The following RBMS1 variants were observed in gnomAD, a reference collection of about 807,000 sequenced individuals.
RBMS1 encodes RNA-binding motif, single-stranded-interacting protein 1.
In RBMS1, 17 loss-of-function variants were observed where a neutral mutation model predicts 62.3. That is an observed-to-expected ratio of 0.27 (90% CI 0.19 to 0.41). The LOEUF (loss-of-function observed/expected upper bound fraction) is 0.41. RBMS1 is among the 10% of genes least tolerant of loss of function. RBMS1 has a pLI of 1.00. For missense variants in RBMS1, 334 were observed against 504.5 expected, an observed-to-expected ratio of 0.66 and a Z score of 3.24; for synonymous variants, 172 against 170.0, an observed-to-expected ratio of 1.01 and a Z score of -0.09.
At chr2:160,276,353 CCACCACCACCACCACCAA>C (rs1264061393) in intron 12 of RBMS1, among the ~76,000 whole-genome samples, 2 of 150,330 alleles carry the variant, frequency 1.3e-5, no homozygotes, top group African/African-American at 4.9e-5. Context: ...ACCACCACCA[CCACCACCACCACCACCAA>C]CACCTACTAC....
chr2:160,327,160 C>T (rs1260331647), intron 2 of RBMS1, among the ~76,000 whole-genome samples: 2 of 152,146 alleles, frequency 1.3e-5, no homozygotes, highest in Admixed American at 6.5e-5. Flanking sequence ...CATCTACATA[C>T]CTGATTTTTC....
At chr2:160,410,726 G>A (rs1473783836) in intron 1 of RBMS1, among the ~76,000 whole-genome samples, 1 of 152,294 alleles carries the variant, frequency 6.6e-6, no homozygotes, top group African/African-American at 2.4e-5. Context: ...GGCTTTGGAA[G>A]AACCTGTCCT....
At chr2:160,320,108 G>C (rs576331403) in intron 2 of RBMS1, among the ~76,000 whole-genome samples, 3 of 152,096 alleles carry the variant, frequency 2.0e-5, no homozygotes, top group African/African-American at 7.2e-5. Flanking sequence ...ATCTACCTAG[G>C]TTACATGCTT....
intron 1 of RBMS1, among the ~76,000 whole-genome samples, chr2:160,368,037 A>T (rs532870948): frequency 1.3e-5 from 2 of 152,258 alleles, no homozygotes; most frequent in African/African-American, 4.8e-5. Flanking sequence ...ACCCACCACA[A>T]CTCAAAGTAA....
chr2:160,309,651 T>C (rs1033019901), intron 4 of RBMS1, among the ~76,000 whole-genome samples: 4 of 152,170 alleles, frequency 2.6e-5, no homozygotes, highest in Non-Finnish European at 5.9e-5. Context: ...GAGGTGGGGA[T>C]GGAGTTGGTT....
In RBMS1 at chr2:160,273,311, T is replaced by G. The variant is rs1288369861; in HGVS notation, c.*1461A>C. 1 of 152,188 alleles carries G rather than the reference T, an allele frequency of 6.6e-6. No individual in the cohort carries two copies. Among genetic ancestry groups the G allele is most frequent in the Non-Finnish European group, 1.5e-5 (1 of 68,036 alleles). 9.4% of individuals were successfully genotyped at this position (152,188 alleles called of 1,614,324 possible). A position where few individuals can be genotyped will look rare whatever the true frequency, so the allele number is the denominator to read the frequency against. The stretch of plus-strand genomic sequence containing the variant: ...TGTTTGTGTGTGTCCATACATCAAT[T>G]AAAATTATAAAACCTAAATGCAAAG... On this transcript the variant is annotated 3_prime_UTR_variant, in exon 14 of 14. Coordinates refer to ENST00000348849, the MANE Select transcript of RBMS1 (RefSeq NM_016836.4).
intron 1 of RBMS1, among the ~76,000 whole-genome samples, chr2:160,383,144 G>A (rs1216301884): frequency 6.6e-6 from 1 of 152,136 alleles, no homozygotes; most frequent in African/African-American, 2.4e-5. Context: ...TCCCAATTCA[G>A]GAAAACAGAA....
At chr2:160,441,655 T>C (rs1348747511) in intron 1 of RBMS1, among the ~76,000 whole-genome samples, 1 of 152,184 alleles carries the variant, frequency 6.6e-6, no homozygotes, top group African/African-American at 2.4e-5. Context: ...AGCCCAAGAT[T>C]TGAGGCTGCA....
At chr2:160,364,459 C>A (rs1426255411) in intron 2 of RBMS1, among the ~76,000 whole-genome samples, 3 of 152,156 alleles carry the variant, frequency 2.0e-5, no homozygotes, top group Admixed American at 2.0e-4. Flanking sequence ...GTATCAGGAA[C>A]TTAGGCTAGT....
chr2:160,295,039 AAAG>A (rs758819648), intron 6 of RBMS1, among the ~76,000 whole-genome samples: 17 of 152,206 alleles, frequency 1.1e-4, no homozygotes, highest in East Asian at 7.7e-4. Flanking sequence ...AAAAAAGAAA[AAAG>A]AAGTCTAGAG....
At chr2:160,387,915 G>A (rs1008483823) in intron 1 of RBMS1, among the ~76,000 whole-genome samples, 1 of 152,096 alleles carries the variant, frequency 6.6e-6, no homozygotes, top group African/African-American at 2.4e-5. Flanking sequence ...CCTGGCCCTG[G>A]CATCTTAGCT....
intron 6 of RBMS1, among the ~76,000 whole-genome samples, chr2:160,288,846 A>G (rs1337138159): frequency 6.6e-6 from 1 of 152,110 alleles, no homozygotes; most frequent in Non-Finnish European, 1.5e-5. Context: ...TTTTTTTTAA[A>G]GAAGTTACTT....
In RBMS1 at chr2:160,493,416, A is replaced by G; in HGVS notation, c.-53T>C. 1 of 1,564,358 alleles carries G rather than the reference A, an allele frequency of 6.4e-7. No homozygotes were observed. The highest frequency in any genetic ancestry group is 2.3e-5 in the East Asian group (1 of 44,430). ...GGTCGCGGACACTTTGGGGTTTCCA[A>G]GTCTCGGGCTCTCCTGCCTCTCCCT... On this transcript the variant is annotated 5_prime_UTR_variant, in exon 1 of 14. Coordinates refer to ENST00000348849, the MANE Select transcript of RBMS1 (RefSeq NM_016836.4).
At chr2:160,362,062 A>G (rs559956877) in intron 2 of RBMS1, among the ~76,000 whole-genome samples, 93 of 152,208 alleles carry the variant, frequency 6.1e-4, no homozygotes, top group Non-Finnish European at 1.1e-3. Flanking sequence ...ATAGCATGCA[A>G]TGCTGTTTCA....
chr2:160,493,745 G>C lies in RBMS1; in HGVS notation c.-382C>G, dbSNP rs1418444352. 2 of 299,748 alleles carry C rather than the reference G, an allele frequency of 6.7e-6. No homozygotes were observed. Among genetic ancestry groups the C allele is most frequent in the African/African-American group, 4.6e-5 (2 of 43,404 alleles). 18.6% of individuals were successfully genotyped at this position (299,748 alleles called of 1,614,324 possible). A position where few individuals can be genotyped will look rare whatever the true frequency, so the allele number is the denominator to read the frequency against. ...GGGCGAGCCGGCTGCGCGGGGCTGA[G>C]AGGTGATCAATACAAGTGGAAAGTG... On this transcript the variant is annotated 5_prime_UTR_variant, in exon 1 of 14. Transcript: ENST00000348849.
chr2:160,375,596 A>G (rs187874034), intron 1 of RBMS1, among the ~76,000 whole-genome samples: 4 of 152,276 alleles, frequency 2.6e-5, no homozygotes, highest in Admixed American at 2.6e-4. Context: ...TACATTTCAC[A>G]TTCTATTCAA....
intron 1 of RBMS1, among the ~76,000 whole-genome samples, chr2:160,373,127 A>T (rs1396179568): frequency 6.6e-6 from 1 of 150,658 alleles, no homozygotes; most frequent in Admixed American, 6.6e-5. Flanking sequence ...AGAGTATTAA[A>T]TTTTTTTTTT....
At chr2:160,473,046 T>C (rs1684985289) in intron 1 of RBMS1, among the ~76,000 whole-genome samples, 1 of 152,228 alleles carries the variant, frequency 6.6e-6, no homozygotes, top group Non-Finnish European at 1.5e-5. Flanking sequence ...AAACATTGTA[T>C]AAGGTCTGTA....
chr2:160,379,078 G>A (rs1388353530), intron 1 of RBMS1, among the ~76,000 whole-genome samples: 7 of 152,230 alleles, frequency 4.6e-5, no homozygotes, highest in East Asian at 1.9e-4. Flanking sequence ...AATCAGCTGG[G>A]CATGGTGGTG....
Sources: gnomAD v4.1 joint callset for allele counts (sites outside exome capture counted in the v4.1 genomes callset) on GRCh38, gnomAD v4.1.1 for gene constraint, MANE v1.5 for transcripts, NCBI Gene and HGNC (gene_info 2026-07-23, HGNC 2026-07-21) for gene names.